The following GMDS variants were observed in gnomAD, a reference collection of about 807,000 sequenced individuals.
The protein encoded by GMDS is GDP-mannose 4,6 dehydratase.
A neutral mutation model predicts 49.9 loss-of-function variants in GMDS; 20 were observed. The ratio of observed to expected loss-of-function variants is 0.40; its 90% CI spans 0.28 to 0.58. The LOEUF (loss-of-function observed/expected upper bound fraction) is 0.58. Ranked by LOEUF, GMDS falls within the 20% of genes least tolerant of loss-of-function variation. The pLI, the probability that GMDS is intolerant of heterozygous loss-of-function variation, is 0.42. For synonymous variants in GMDS, 177 were observed against 178.6 expected (o/e 0.99, Z 0.07); for missense variants, 362 against 481.4 (o/e 0.75, Z 2.32).
At chr6:2,239,381 T>C (rs1781509825) in intron 1 of GMDS, among the ~76,000 whole-genome samples, 1 of 151,760 alleles carries the variant, frequency 6.6e-6, no homozygotes, top group African/African-American at 2.4e-5. Flanking sequence ...CTGAAATTAC[T>C]GCACTGCTTA....
intron 4 of GMDS, among the ~76,000 whole-genome samples, chr6:1,982,245 G>A (rs557740531): frequency 6.6e-6 from 1 of 152,272 alleles, no homozygotes; most frequent in East Asian, 1.9e-4. Context: ...GGCAGAGGTT[G>A]CAGTGAATAT....
chr6:1,822,717 C>T (rs1306549201), intron 7 of GMDS, among the ~76,000 whole-genome samples: 2 of 152,106 alleles, frequency 1.3e-5, no homozygotes, highest in African/African-American at 2.4e-5. Context: ...TATTTACATA[C>T]TTGGAGACTT....
intron 7 of GMDS, among the ~76,000 whole-genome samples, chr6:1,926,156 G>T (rs1293056348): frequency 6.6e-6 from 1 of 152,122 alleles, no homozygotes; most frequent in Non-Finnish European, 1.5e-5. Flanking sequence ...CATTCTCCAA[G>T]CCCACGTGTG....
At chr6:1,878,510 G>A (rs928445313) in intron 7 of GMDS, among the ~76,000 whole-genome samples, 9 of 152,042 alleles carry the variant, frequency 5.9e-5, no homozygotes, top group Non-Finnish European at 1.3e-4. Flanking sequence ...ACACAGACAT[G>A]TGACATCACA....
intron 7 of GMDS, among the ~76,000 whole-genome samples, chr6:1,813,766 T>A (rs1409706610): frequency 2.0e-5 from 3 of 152,248 alleles, no homozygotes; most frequent in South Asian, 2.1e-4. Context: ...TTATTTTTTT[T>A]AATTCCTTTT....
chr6:1,936,669 G>A (rs539234942), intron 6 of GMDS, among the ~76,000 whole-genome samples: 5 of 152,200 alleles, frequency 3.3e-5, no homozygotes, highest in African/African-American at 4.8e-5. Flanking sequence ...CAATGGTCCC[G>A]TAAGATTACA....
At position 2,201,514 on chromosome 6, in the gene GMDS, G is replaced by A. The variant is rs1480291829; in HGVS notation, c.102+43807C>T. Among the ~76,000 whole-genome samples the A allele has an allele frequency of 8.4e-5, 10 of 118,496 alleles. 1 individual carries two copies. In the South Asian group the frequency reaches 1.0e-3, roughly 12 times the overall value. The allele number at this position is 118,496 out of a possible 152,430, so 77.7% of individuals were successfully genotyped here. ...GGCAGCATGTTAGCAGAGAGGTGAA[G>A]GATGAAGAGAGAGCACCACATGGGC... On this transcript the variant is annotated intron_variant, in intron 1 of 10. Transcript: ENST00000380815.
intron 2 of GMDS, 151 bp from the exon 3 acceptor site, chr6:2,117,707 T>G: frequency 1.7e-6 from 1 of 602,114 alleles, no homozygotes; most frequent in Non-Finnish European, 3.0e-6. Context: ...CCCCAACCAC[T>G]GTCCACCAGC....
At chr6:1,998,972 G>A (rs1320929156) in intron 4 of GMDS, among the ~76,000 whole-genome samples, 1 of 151,866 alleles carries the variant, frequency 6.6e-6, no homozygotes, top group Non-Finnish European at 1.5e-5. Flanking sequence ...GATAAGACAT[G>A]CAACAAGCAA....
intron 7 of GMDS, among the ~76,000 whole-genome samples, chr6:1,789,532 C>CTTTTTT (rs59996305): frequency 5.0e-5 from 7 of 141,346 alleles, no homozygotes; most frequent in Non-Finnish European, 7.8e-5. Flanking sequence ...TTTCTTTTTT[C>CTTTTTT]TTTTTTTTTT....
At chr6:1,808,187 T>C (rs992620175) in intron 7 of GMDS, among the ~76,000 whole-genome samples, 3 of 152,188 alleles carry the variant, frequency 2.0e-5, no homozygotes, top group Non-Finnish European at 4.4e-5. Context: ...GGAACATGCT[T>C]GAATGAATGA....
intron 7 of GMDS, among the ~76,000 whole-genome samples, chr6:1,917,585 G>A (rs1761468669): frequency 6.6e-6 from 1 of 152,168 alleles, no homozygotes; most frequent in Admixed American, 6.5e-5. Context: ...TGAGACCCAG[G>A]CAAAACCAGC....
intron 9 of GMDS, among the ~76,000 whole-genome samples, chr6:1,694,300 T>C (rs1004540388): frequency 2.6e-5 from 4 of 152,218 alleles, no homozygotes; most frequent in Non-Finnish European, 5.9e-5. Context: ...ATCTCAATTT[T>C]AGCATTGTTA....
chr6:1,863,721 T>C (rs1387195148), intron 7 of GMDS, among the ~76,000 whole-genome samples: 2 of 152,176 alleles, frequency 1.3e-5, no homozygotes, highest in Non-Finnish European at 2.9e-5. Context: ...TCATAATATA[T>C]GTGTCTGAAG....
intron 9 of GMDS, among the ~76,000 whole-genome samples, chr6:1,653,109 C>A (rs373794248): frequency 2.0e-5 from 3 of 152,048 alleles, no homozygotes; most frequent in East Asian, 3.9e-4. Flanking sequence ...CCTCCACAGA[C>A]CCCCGTGGCA....
chr6:2,229,146 G>A (rs145383200), intron 1 of GMDS, among the ~76,000 whole-genome samples: 41 of 152,292 alleles, frequency 2.7e-4, no homozygotes, highest in African/African-American at 9.6e-4. Flanking sequence ...GACACTGCCC[G>A]CATCCAGTCT....
intron 4 of GMDS, among the ~76,000 whole-genome samples, chr6:2,103,498 G>T (rs752253107): frequency 6.6e-6 from 1 of 152,104 alleles, no homozygotes; most frequent in African/African-American, 2.4e-5. Flanking sequence ...AAAATAGAGG[G>T]TAGGAGAAAT....
intron 4 of GMDS, among the ~76,000 whole-genome samples, chr6:1,998,110 G>C (rs1766410774): frequency 6.6e-6 from 1 of 152,132 alleles, no homozygotes; most frequent in Admixed American, 6.6e-5. Flanking sequence ...TCTTGATTTA[G>C]AAAATGATCT....
At chr6:1,918,323 T>C (rs1253969792) in intron 7 of GMDS, among the ~76,000 whole-genome samples, 4 of 152,216 alleles carry the variant, frequency 2.6e-5, no homozygotes, top group Admixed American at 6.5e-5. Context: ...TATCATCAAG[T>C]ACTCCCATGG....
Sources: gnomAD v4.1 joint callset for allele counts (sites outside exome capture counted in the v4.1 genomes callset) on GRCh38, gnomAD v4.1.1 for gene constraint, MANE v1.5 for transcripts, NCBI Gene and HGNC (gene_info 2026-07-23, HGNC 2026-07-21) for gene names.